The following NPL variants were observed in gnomAD, a reference collection of about 807,000 sequenced individuals.
NPL encodes the protein N-acetylneuraminate lyase.
A neutral mutation model predicts 41.1 loss-of-function variants in NPL; 32 were observed. The observed-to-expected ratio is 0.78, with a 90% confidence interval of 0.59 to 1.05. NPL has a LOEUF of 1.05. NPL is among the 50% of genes least tolerant of loss of function. The pLI, the probability that NPL is intolerant of heterozygous loss-of-function variation, is 0.00. For synonymous variants in NPL, 128 were observed against 134.9 expected (o/e 0.95, Z 0.35); for missense variants, 321 against 378.4 (o/e 0.85, Z 1.26).
intron 1 of NPL, among the ~76,000 whole-genome samples, chr1:182,790,254 ACTTT>A (rs1412572847): frequency 6.6e-6 from 1 of 152,096 alleles, no homozygotes; most frequent in Non-Finnish European, 1.5e-5. Context: ...TTCTGCCCTC[ACTTT>A]CTGTCTCTTA....
At chr1:182,793,984 C>A (rs1666587038) in intron 2 of NPL, among the ~76,000 whole-genome samples, 1 of 152,154 alleles carries the variant, frequency 6.6e-6, no homozygotes, top group Non-Finnish European at 1.5e-5. Context: ...GGTCCTGGAA[C>A]TGATCTTCTG....
At chr1:182,800,374 T>C (rs1666803239) in intron 3 of NPL, among the ~76,000 whole-genome samples, 1 of 143,640 alleles carries the variant, frequency 7.0e-6, no homozygotes, top group African/African-American at 2.6e-5. Flanking sequence ...AGATTGAGGC[T>C]GTAGTGAGCC....
chr1:182,803,777 T>C lies in NPL; in HGVS notation c.142+6T>C, dbSNP rs745956548. Reference sequence around the variant, plus strand: ...GGGAGTGAAGAACATTTTTGGTAAGTCAACTCTGGGGATGTCGCTGCATGT... The same window carrying C: ...GGGAGTGAAGAACATTTTTGGTAAGCCAACTCTGGGGATGTCGCTGCATGT... On this transcript the variant is annotated splice_donor_region_variant and intron_variant, in intron 4 of 12. Coordinates refer to ENST00000367553, the MANE Select transcript of NPL (RefSeq NM_030769.3). 6.3e-7 allele frequency: 1 copy of C among 1,599,036 alleles called. No individual in the cohort carries two copies. The highest frequency in any genetic ancestry group is 1.1e-5 in the South Asian group (1 of 90,746).
chr1:182,807,971 G>A (rs1667071523), intron 5 of NPL, among the ~76,000 whole-genome samples: 1 of 151,674 alleles, frequency 6.6e-6, no homozygotes, highest in African/African-American at 2.4e-5. Flanking sequence ...CAGAGGGTAG[G>A]AGGCCAGTTG....
At chr1:182,811,339 C>T (rs1406570987) in intron 5 of NPL, among the ~76,000 whole-genome samples, 1 of 151,958 alleles carries the variant, frequency 6.6e-6, no homozygotes, top group Non-Finnish European at 1.5e-5. Context: ...AGCTATTCTC[C>T]CATCTCAGCC....
At chr1:182,810,662 C>G (rs989366631) in intron 5 of NPL, among the ~76,000 whole-genome samples, 1 of 151,914 alleles carries the variant, frequency 6.6e-6, no homozygotes, top group African/African-American at 2.4e-5. Context: ...CATTAAAAGG[C>G]TCTATTCTTT....
At chr1:182,821,954 C>T (rs1021083230) in intron 10 of NPL, among the ~76,000 whole-genome samples, 161 bp from the exon 11 acceptor site, 1 of 152,182 alleles carries the variant, frequency 6.6e-6, no homozygotes, top group Non-Finnish European at 1.5e-5. Context: ...CTGGAAAACT[C>T]AGAACTGAAG....
intron 11 of NPL, among the ~76,000 whole-genome samples, chr1:182,825,184 CAATACT>C (rs1440001607): frequency 2.0e-5 from 3 of 152,096 alleles, no homozygotes; most frequent in African/African-American, 7.2e-5. Context: ...TTATCAATAC[CAATACT>C]GATATTTTGA....
intron 3 of NPL, among the ~76,000 whole-genome samples, chr1:182,800,449 A>C (rs1181518845): frequency 4.6e-5 from 7 of 151,346 alleles, no homozygotes; most frequent in Non-Finnish European, 1.0e-4. Flanking sequence ...AAAAAAAAAA[A>C]AAAAAAAAAA....
intron 4 of NPL, among the ~76,000 whole-genome samples, chr1:182,803,991 G>A (rs77640013): frequency 0.06 from 9,070 of 152,102 alleles, 370 homozygotes; most frequent in African/African-American, 0.12. Flanking sequence ...CAACACTTAA[G>A]GTATTATTTT....
intron 5 of NPL, among the ~76,000 whole-genome samples, chr1:182,811,464 C>T (rs367653102): frequency 2.6e-5 from 4 of 152,012 alleles, no homozygotes; most frequent in Admixed American, 6.6e-5. Flanking sequence ...CCTGAGCTCA[C>T]GCAATCTGCC....
intron 1 of NPL, among the ~76,000 whole-genome samples, chr1:182,790,711 T>TC (rs1666486258): frequency 6.6e-6 from 1 of 152,172 alleles, no homozygotes. Flanking sequence ...TGGCGCTATC[T>TC]CGGCTCACTG....
At chr1:182,824,130 T>C (rs2102568112) in intron 11 of NPL, among the ~76,000 whole-genome samples, 1 of 152,368 alleles carries the variant, frequency 6.6e-6, no homozygotes, top group South Asian at 2.1e-4. Context: ...ACAAAGATAT[T>C]CCTTGCAGCT....
chr1:182,816,495 A>G (rs1487791535), intron 7 of NPL, among the ~76,000 whole-genome samples: 2 of 152,226 alleles, frequency 1.3e-5, no homozygotes, highest in Non-Finnish European at 2.9e-5. Context: ...GTAGGAGAAT[A>G]ATCGTCTTAC....
At chr1:182,791,619 A>G (rs1254874720) in intron 1 of NPL, among the ~76,000 whole-genome samples, 1 of 152,198 alleles carries the variant, frequency 6.6e-6, no homozygotes, top group Non-Finnish European at 1.5e-5. Flanking sequence ...GAATTTTTGA[A>G]CTAATCAAAC....
chr1:182,807,846 G>A (rs191771116), intron 5 of NPL, among the ~76,000 whole-genome samples: 14 of 147,666 alleles, frequency 9.5e-5, no homozygotes, highest in African/African-American at 2.0e-4. Flanking sequence ...AGCCAAGATC[G>A]CGCCACTGCA....
intron 6 of NPL, among the ~76,000 whole-genome samples, chr1:182,813,651 G>A (rs532650881): frequency 6.6e-6 from 1 of 152,312 alleles, no homozygotes; most frequent in Admixed American, 6.5e-5. Flanking sequence ...TAGTATAGAG[G>A]TAATCTTGGA....
chr1:182,811,446 C>CTTGA (rs1667173599), intron 5 of NPL, among the ~76,000 whole-genome samples: 1 of 152,088 alleles, frequency 6.6e-6, no homozygotes. Context: ...CCAGGCTGGT[C>CTTGA]TTGAACTCCT....
At chr1:182,804,383 C>G (rs2102539978) in intron 4 of NPL, among the ~76,000 whole-genome samples, 1 of 152,308 alleles carries the variant, frequency 6.6e-6, no homozygotes, top group South Asian at 2.1e-4. Context: ...CTGCCCCAGC[C>G]TCCCAAAATT....
Sources: allele counts gnomAD v4.1 joint callset (sites outside exome capture counted in the v4.1 genomes callset), GRCh38; gene constraint gnomAD v4.1.1; transcripts MANE v1.5; gene names NCBI Gene and HGNC (gene_info 2026-07-23, HGNC 2026-07-21).